Variants in SPRY3 observed in about 807,000 individuals in gnomAD.
SPRY3 encodes sprouty RTK signaling antagonist 3.
In SPRY3, 15 loss-of-function variants were observed where a neutral mutation model predicts 20.2. The ratio of observed to expected loss-of-function variants is 0.74; its 90% CI spans 0.50 to 1.14. The LOEUF (loss-of-function observed/expected upper bound fraction) is 1.14. Ranked by LOEUF, SPRY3 falls within the 50% of genes most tolerant of loss-of-function variation. The pLI, the probability that SPRY3 is intolerant of heterozygous loss-of-function variation, is 0.00. For missense variants in SPRY3, 364 were observed against 363.9 expected, an observed-to-expected ratio of 1.00 and a Z score of 0.00; for synonymous variants, 143 against 136.5, an observed-to-expected ratio of 1.05 and a Z score of -0.33.
chrX:155,710,240 G>A (rs1194706233), intron 2 of SPRY3, among the ~76,000 whole-genome samples: 1 of 151,656 alleles, frequency 6.6e-6, no homozygotes, highest in Non-Finnish European at 1.5e-5. Flanking sequence ...TGAATCTGTA[G>A]ATTGCTTTGG....
At chrX:155,715,782 G>A (rs1203825635) in intron 2 of SPRY3, among the ~76,000 whole-genome samples, 1 of 152,178 alleles carries the variant, frequency 6.6e-6, no homozygotes, top group African/African-American at 2.4e-5. Flanking sequence ...TGGTCCAAAT[G>A]TTCCCTCCAT....
chrX:155,632,272 A>G (rs2067909164), intron 1 of SPRY3, among the ~76,000 whole-genome samples: 1 of 103,073 alleles, frequency 9.7e-6, no homozygotes, highest in African/African-American at 3.4e-5. Flanking sequence ...ATCCCCCAAG[A>G]TGGCCCAGAA....
intron 1 of SPRY3, among the ~76,000 whole-genome samples, chrX:155,656,107 G>C (rs1321565596): frequency 9.0e-6 from 1 of 111,034 alleles, no homozygotes; most frequent in African/African-American, 3.3e-5. Context: ...ATATCTTAGT[G>C]GTGTTCTCTG....
chrX:155,704,878 G>T (rs2090939105), intron 2 of SPRY3, among the ~76,000 whole-genome samples: 1 of 151,354 alleles, frequency 6.6e-6, no homozygotes, highest in Admixed American at 6.6e-5. Flanking sequence ...CAGGTAGAAA[G>T]AATAATTTGT....
chrX:155,782,388 C>T (rs2091468140), exon 2 of SPRY3: 1 of 166,910 alleles, frequency 6.0e-6, no homozygotes, highest in Non-Finnish European at 1.5e-5. Context: ...GAGAGGGCCA[C>T]TTCTACCCCC....
At chrX:155,684,228 T>C (rs1220591478) in intron 2 of SPRY3, among the ~76,000 whole-genome samples, 5 of 110,733 alleles carry the variant, frequency 4.5e-5, no homozygotes, top group African/African-American at 6.6e-5. Flanking sequence ...CCTTTTTGCT[T>C]CCTGAATATT....
intron 1 of SPRY3, among the ~76,000 whole-genome samples, chrX:155,641,614 CG>C (rs1569562437): frequency 8.7e-6 from 1 of 115,000 alleles, no homozygotes; most frequent in Non-Finnish European, 1.9e-5. Flanking sequence ...ATACGTGCGG[CG>C]GGAAGATGTT....
chrX:155,704,058 T>C (rs1343647784), intron 2 of SPRY3, among the ~76,000 whole-genome samples: 1 of 151,920 alleles, frequency 6.6e-6, no homozygotes, highest in African/African-American at 2.4e-5. Context: ...TAAAATCTAT[T>C]TACCTTGGTC....
At chrX:155,771,530 C>G (rs2091381525) in intron 3 of SPRY3, among the ~76,000 whole-genome samples, 1 of 152,162 alleles carries the variant, frequency 6.6e-6, no homozygotes, top group Admixed American at 6.5e-5. Context: ...ATTGTTCTTA[C>G]AGTACAAAGG....
At chrX:155,650,998 G>C (rs1442062491) in intron 1 of SPRY3, among the ~76,000 whole-genome samples, 2 of 110,850 alleles carry the variant, frequency 1.8e-5, no homozygotes, top group African/African-American at 6.6e-5. Context: ...TTTCCATAGA[G>C]AATGTACTAT....
intron 1 of SPRY3, among the ~76,000 whole-genome samples, chrX:155,615,924 A>G (rs1370040241): frequency 9.0e-6 from 1 of 111,049 alleles, no homozygotes; most frequent in Non-Finnish European, 1.9e-5. Context: ...AGCAAAAGAG[A>G]GAAATTTATG....
At chrX:155,761,714 A>AT (rs59391494) in intron 2 of SPRY3, among the ~76,000 whole-genome samples, 40,727 of 136,162 alleles carry the variant, frequency 0.3, 6,373 homozygotes, top group African/African-American at 0.44. Flanking sequence ...GCCAGCACCT[A>AT]TTTTTTTTTT....
intron 2 of SPRY3, among the ~76,000 whole-genome samples, chrX:155,721,705 CA>C (rs1479364272): frequency 6.6e-6 from 1 of 151,818 alleles, no homozygotes; most frequent in African/African-American, 2.4e-5. Context: ...GTGTATCTGG[CA>C]AAAATTATCC....
intron 2 of SPRY3, among the ~76,000 whole-genome samples, chrX:155,752,635 T>G (rs984931422): frequency 6.6e-5 from 10 of 151,796 alleles, no homozygotes; most frequent in Admixed American, 5.9e-4. Context: ...AAATGAGACA[T>G]ATAAATAGCC....
chrX:155,767,720 A>AAGAGGACGAGGAGGAGAG (rs2091345595), intron 2 of SPRY3: 1 of 64,458 alleles, frequency 1.6e-5, no homozygotes, highest in Admixed American at 1.6e-4. Flanking sequence ...GAGGAGGAGA[A>AAGAGGACGAGGAGGAGAG]AGAGGAGGAG....
chrX:155,700,624 T>TC (rs2068134108), intron 2 of SPRY3, among the ~76,000 whole-genome samples: 2 of 84,876 alleles, frequency 2.4e-5, no homozygotes, highest in Admixed American at 2.5e-4. Context: ...TTCTTTTTTT[T>TC]TTTTTTTTTA....
At chrX:155,667,526 G>A (rs2068028362) in intron 2 of SPRY3, among the ~76,000 whole-genome samples, 1 of 111,055 alleles carries the variant, frequency 9.0e-6, no homozygotes, top group Non-Finnish European at 1.9e-5. Flanking sequence ...TGTAGGGTTG[G>A]TGGCAAGAAA....
intron 2 of SPRY3, among the ~76,000 whole-genome samples, chrX:155,764,213 A>G (rs1230919791): frequency 6.6e-6 from 1 of 152,214 alleles, no homozygotes; most frequent in African/African-American, 2.4e-5. Flanking sequence ...ACTAGGCCCA[A>G]TGCTGCCACT....
chrX:155,711,019 G>A (rs2090982531), intron 2 of SPRY3, among the ~76,000 whole-genome samples: 1 of 151,620 alleles, frequency 6.6e-6, no homozygotes, highest in East Asian at 1.9e-4. Context: ...ATCCCACTTG[G>A]TCATGATAAA....
Sources: allele counts gnomAD v4.1 joint callset (sites outside exome capture counted in the v4.1 genomes callset), GRCh38; gene constraint gnomAD v4.1.1; transcripts MANE v1.5; gene names NCBI Gene and HGNC (gene_info 2026-07-23, HGNC 2026-07-21).